Variants in BAIAP2L1 observed in about 807,000 individuals in gnomAD.
The protein encoded by BAIAP2L1 is BAR/IMD domain-containing adapter protein 2-like 1.
A neutral mutation model predicts 66.3 loss-of-function variants in BAIAP2L1; 35 were observed. That is an observed-to-expected ratio of 0.53 (90% CI 0.40 to 0.70). The LOEUF (loss-of-function observed/expected upper bound fraction) is 0.70, where lower values mean the gene tolerates loss of function less well. BAIAP2L1 is among the 30% of genes least tolerant of loss of function. The probability of loss-of-function intolerance (pLI) is 0.00; values close to 1 mark genes in which losing one functional copy is unlikely to be tolerated. For synonymous variants in BAIAP2L1, 269 were observed against 248.7 expected, an observed-to-expected ratio of 1.08 and a Z score of -0.77; for missense variants, 622 against 656.9, an observed-to-expected ratio of 0.95 and a Z score of 0.58.
chr7:98,384,169 AAAAG>A lies in BAIAP2L1; in HGVS notation c.51+16629_51+16632del, dbSNP rs1299878974. Among the ~76,000 whole-genome samples, 10 of 152,014 alleles carry A rather than the reference AAAAG, an allele frequency of 6.6e-5. No homozygotes were observed. The South Asian group carries it at 1.0e-3, about 16-fold the overall frequency. ...AACTCCGTCTCAGAAAAAAAAAAAA[AAAAG>A]AAAGAGCTCCAGTCCTTGGAAATGT... On this transcript the variant is annotated intron_variant, in intron 1 of 13. Coordinates refer to ENST00000005260, the MANE Select transcript of BAIAP2L1 (RefSeq NM_018842.5).
intron 3 of BAIAP2L1, among the ~76,000 whole-genome samples, chr7:98,321,938 A>G (rs921264209): frequency 6.6e-6 from 1 of 152,178 alleles, no homozygotes; most frequent in Non-Finnish European, 1.5e-5. Context: ...TCTATTAAAA[A>G]TACAAAAATT....
intron 3 of BAIAP2L1, 130 bp downstream of exon 3, chr7:98,354,912 G>A (rs564867741): frequency 8.4e-5 from 59 of 699,270 alleles, no homozygotes; most frequent in South Asian, 3.3e-4. Context: ...TCCACAGACC[G>A]CGGTGAAGTA....
chr7:98,341,481 G>C (rs1388033430), intron 3 of BAIAP2L1, among the ~76,000 whole-genome samples: 2 of 152,174 alleles, frequency 1.3e-5, no homozygotes, highest in South Asian at 4.1e-4. Context: ...CCAGGAGTTC[G>C]AGACCAGCCT....
chr7:98,339,803 C>T (rs1476741533), intron 3 of BAIAP2L1, among the ~76,000 whole-genome samples: 1 of 152,186 alleles, frequency 6.6e-6, no homozygotes, highest in African/African-American at 2.4e-5. Context: ...CAGCATGGTG[C>T]TGTGAAAAAG....
At chr7:98,307,139 T>G in intron 10 of BAIAP2L1, 1 of 162,258 alleles carries the variant, frequency 6.2e-6, no homozygotes, top group Non-Finnish European at 1.4e-5. Context: ...TGAGACAGAG[T>G]CTTGCTCTGT....
At chr7:98,340,182 T>G (rs1296033005) in intron 3 of BAIAP2L1, among the ~76,000 whole-genome samples, 1 of 152,156 alleles carries the variant, frequency 6.6e-6, no homozygotes, top group Non-Finnish European at 1.5e-5. Flanking sequence ...AAACAGGAAA[T>G]GACGTTTCAG....
At chr7:98,335,302 G>A (rs1801592499) in intron 3 of BAIAP2L1, among the ~76,000 whole-genome samples, 1 of 123,914 alleles carries the variant, frequency 8.1e-6, no homozygotes, top group Non-Finnish European at 2.0e-5. Context: ...TGACCATGGG[G>A]ATATTACATA....
intron 1 of BAIAP2L1, among the ~76,000 whole-genome samples, chr7:98,384,987 C>T (rs1377106765): frequency 1.3e-5 from 2 of 152,258 alleles, no homozygotes; most frequent in East Asian, 1.9e-4. Context: ...GCATGAGCCA[C>T]GGCAATCAAC....
intron 1 of BAIAP2L1, among the ~76,000 whole-genome samples, chr7:98,378,179 CA>C (rs1011552819): frequency 7.0e-5 from 10 of 143,194 alleles, no homozygotes; most frequent in East Asian, 2.1e-4. Flanking sequence ...CAAAAACGAA[CA>C]AAAAAAAAAG....
At chr7:98,380,110 C>T (rs1458419069) in intron 1 of BAIAP2L1, among the ~76,000 whole-genome samples, 6 of 150,672 alleles carry the variant, frequency 4.0e-5, no homozygotes, top group African/African-American at 1.5e-4. Flanking sequence ...GGGACTCTCA[C>T]TCTGTCACCC....
intron 1 of BAIAP2L1, among the ~76,000 whole-genome samples, chr7:98,382,271 C>T (rs902822912): frequency 6.6e-6 from 1 of 152,014 alleles, no homozygotes; most frequent in Non-Finnish European, 1.5e-5. Context: ...GGAGGGAGAA[C>T]AATGTACAGG....
chr7:98,381,716 C>T (rs1802763394), intron 1 of BAIAP2L1, among the ~76,000 whole-genome samples: 1 of 152,152 alleles, frequency 6.6e-6, no homozygotes, highest in East Asian at 1.9e-4. Context: ...ATTTCTGTGA[C>T]AAACTCTTGG....
Position 98,310,577 on chromosome 7 carries a change from C to A in BAIAP2L1, c.823G>T (p.Asp275Tyr). 6.3e-7 allele frequency: 1 copy of A among 1,587,784 alleles called. No individual in the cohort carries two copies. Among genetic ancestry groups the A allele is most frequent in the Admixed American group, 1.9e-5 (1 of 52,010 alleles). Residue 275 changes from aspartate (D) to tyrosine (Y), a missense_variant, in exon 9 of 14, where the codon GAC becomes TAC. By Grantham distance (160) the Asp-to-Tyr change is radical. Coordinates refer to ENST00000005260, the MANE Select transcript of BAIAP2L1 (RefSeq NM_018842.5). ...ERSNVVRKDY[D>Y]TLSKCSPKMP... is the part of the protein sequence containing the mutation. ...TTTGGTGAGCATTTAGAAAGGGTGT[C>A]GTAATCTTTCCTAACCTGTGAAAAA...
chr7:98,307,414 AT>A (rs1208248755), intron 10 of BAIAP2L1: 104 of 1,279,044 alleles, frequency 8.1e-5, no homozygotes, highest in Non-Finnish European at 9.8e-5. Flanking sequence ...CAAATGCTAA[AT>A]TTTTTTTAAA....
rs147000430 is a variant in BAIAP2L1 at position 98,342,352 on chromosome 7, G to A, written c.214+12690C>T. The stretch of plus-strand genomic sequence containing the variant: ...GTGTGAGCCACTGCACCCAGGCTGA[G>A]CCACCGTTCCTGGCTTCTGCTCTAA... On this transcript the variant is annotated intron_variant, in intron 3 of 13. Coordinates refer to ENST00000005260, the MANE Select transcript of BAIAP2L1 (RefSeq NM_018842.5). Among the ~76,000 whole-genome samples the A allele has an allele frequency of 3.8e-3, 580 of 152,172 alleles. 8 individuals are homozygous for A. Among genetic ancestry groups the A allele is most frequent in the African/African-American group, 0.013 (553 of 41,524 alleles).
In BAIAP2L1 at chr7:98,292,814, G is replaced by A; in HGVS notation, c.*707C>T. 2 of 1,509,618 alleles carry A rather than the reference G, an allele frequency of 1.3e-6. No individual in the cohort carries two copies. The highest frequency in any genetic ancestry group is 1.4e-5 in the African/African-American group (1 of 71,448). 93.5% of individuals were successfully genotyped at this position (1,509,618 alleles called of 1,614,324 possible). The stretch of plus-strand genomic sequence containing the variant: ...CTCCGACGCCCAGGCCTGTGTCCTG[G>A]ATGGGCCGTGTGCAGCGAATCCGTT... On this transcript the variant is annotated 3_prime_UTR_variant, in exon 14 of 14. Transcript: ENST00000005260.
At chr7:98,373,929 A>G (rs1035333929) in intron 1 of BAIAP2L1, among the ~76,000 whole-genome samples, 2 of 152,144 alleles carry the variant, frequency 1.3e-5, no homozygotes, top group Non-Finnish European at 2.9e-5. Flanking sequence ...TGAAGGTGTT[A>G]TGATCTTCTG....
chr7:98,305,182 C>T lies in BAIAP2L1; in HGVS notation c.1242-806G>A, dbSNP rs1009718606. ...CTGGGATTACAGGCATGAGCCCCTG[C>T]GCCTGGCCAAAAAATTATTTAAAAG... On this transcript the variant is annotated intron_variant, in intron 11 of 13. Coordinates refer to ENST00000005260, the MANE Select transcript of BAIAP2L1 (RefSeq NM_018842.5). Among the ~76,000 whole-genome samples the T allele has an allele frequency of 1.2e-4, 18 of 149,826 alleles. No individual in the cohort carries two copies. The East Asian group carries it at 1.4e-3, about 12-fold the overall frequency.
chr7:98,350,308 G>A (rs369570068), intron 3 of BAIAP2L1, among the ~76,000 whole-genome samples: 41 of 151,804 alleles, frequency 2.7e-4, no homozygotes, highest in African/African-American at 9.0e-4. Context: ...AGATGAGCAG[G>A]GGAAATGCAC....
Sources: allele counts gnomAD v4.1 joint callset (sites outside exome capture counted in the v4.1 genomes callset), GRCh38; gene constraint gnomAD v4.1.1; transcripts MANE v1.5; gene names NCBI Gene and HGNC (gene_info 2026-07-23, HGNC 2026-07-21).